The following ZFYVE16 variants were observed in gnomAD, a reference collection of about 807,000 sequenced individuals.
The protein encoded by ZFYVE16 is zinc finger FYVE-type containing 16.
Under a neutral mutation model 138.1 loss-of-function variants are expected in ZFYVE16, and 89 were observed. The observed-to-expected ratio is 0.64, with a 90% CI of 0.54 to 0.77. The LOEUF is 0.77. Among genes scored for constraint, ZFYVE16 ranks in the 30% least tolerant of loss-of-function variants. The pLI is 0.00. For missense variants in ZFYVE16, 1,793 were observed against 1,786.7 expected (o/e 1.00, Z -0.06); for synonymous variants, 596 against 618.3 (o/e 0.96, Z 0.53).
intron 15 of ZFYVE16, among the ~76,000 whole-genome samples, chr5:80,462,728 C>T (rs763962360): frequency 7.9e-5 from 12 of 152,216 alleles, no homozygotes; most frequent in Non-Finnish European, 1.6e-4. Context: ...AGGCAAGTCC[C>T]TTCTGCCTAT....
At chr5:80,408,714 A>G (rs1035952408) in intron 1 of ZFYVE16, among the ~76,000 whole-genome samples, 6 of 152,254 alleles carry the variant, frequency 3.9e-5, no homozygotes, top group Non-Finnish European at 8.8e-5. Flanking sequence ...TGAGAACTCC[A>G]AAAGAGGACC....
chr5:80,460,292 TG>T (rs1224907750), intron 15 of ZFYVE16, among the ~76,000 whole-genome samples: 6 of 152,174 alleles, frequency 3.9e-5, no homozygotes, highest in Non-Finnish European at 8.8e-5. Flanking sequence ...GTGAAATGTC[TG>T]CCCATATCTT....
At chr5:80,412,571 T>A (rs1745610713) in intron 1 of ZFYVE16, among the ~76,000 whole-genome samples, 1 of 152,144 alleles carries the variant, frequency 6.6e-6, no homozygotes, top group Non-Finnish European at 1.5e-5. Context: ...TTATATTATC[T>A]TTTTTTATAT....
chr5:80,423,817 C>G (rs956161888), intron 1 of ZFYVE16, among the ~76,000 whole-genome samples: 3 of 152,046 alleles, frequency 2.0e-5, no homozygotes, highest in African/African-American at 7.2e-5. Context: ...GGATTACAGG[C>G]GTGAGCCACT....
At chr5:80,426,425 C>A (rs945867231) in intron 1 of ZFYVE16, among the ~76,000 whole-genome samples, 9 of 152,030 alleles carry the variant, frequency 5.9e-5, no homozygotes, top group Admixed American at 5.9e-4. Context: ...CATTATTTAT[C>A]CTGATGCTCT....
chr5:80,470,631 C>G (rs1461880057), intron 15 of ZFYVE16, among the ~76,000 whole-genome samples: 1 of 152,000 alleles, frequency 6.6e-6, no homozygotes, highest in African/African-American at 2.4e-5. Context: ...CTGCATCAGC[C>G]TCTTGAGTAG....
rs199587775 is a variant in ZFYVE16 at position 80,437,504 on chromosome 5, A to G, written c.819A>G (p.Lys273=). 3.7e-6 allele frequency: 6 copies of G among 1,611,708 alleles called. No individual in the cohort carries two copies. Among genetic ancestry groups the G allele is most frequent in the African/African-American group, 1.3e-5 (1 of 74,782 alleles). ...AGAGCCAGCCATGTGGATTACTAAA[A>G]GATGTTGGCTTAGTAAAAGAGGAAG... ...QHKSQPCGLL[K]DVGLVKEEVD... is the part of the protein sequence containing the mutation. The change falls in exon 4 of 19, where the codon AAA becomes AAG. Residue 273 remains lysine, a synonymous_variant. Coordinates refer to ENST00000505560, the MANE Select transcript of ZFYVE16 (RefSeq NM_001284236.3).
chr5:80,458,553 G>T (rs1055695193), intron 14 of ZFYVE16, among the ~76,000 whole-genome samples: 1 of 152,064 alleles, frequency 6.6e-6, no homozygotes, highest in Non-Finnish European at 1.5e-5. Flanking sequence ...TGTATAAGGA[G>T]CTTTTATATT....
At chr5:80,471,860 A>G (rs960428035) in intron 15 of ZFYVE16, among the ~76,000 whole-genome samples, 7 of 152,216 alleles carry the variant, frequency 4.6e-5, no homozygotes, top group Non-Finnish European at 8.8e-5. Context: ...ATGGATTTGT[A>G]GAAATCCTAA....
intron 1 of ZFYVE16, among the ~76,000 whole-genome samples, chr5:80,426,202 GT>G (rs1435714025): frequency 1.0e-3 from 5 of 4,826 alleles, no homozygotes; most frequent in Admixed American, 6.0e-3. Flanking sequence ...TGTGTGTGTG[GT>G]GTGTGTGTGT....
intron 1 of ZFYVE16, among the ~76,000 whole-genome samples, chr5:80,425,337 T>C (rs966257030): frequency 1.3e-5 from 2 of 152,200 alleles, no homozygotes; most frequent in African/African-American, 4.8e-5. Context: ...GTATCTCTTA[T>C]TTATTTATTT....
At chr5:80,471,888 A>G (rs1754419894) in intron 15 of ZFYVE16, among the ~76,000 whole-genome samples, 1 of 152,132 alleles carries the variant, frequency 6.6e-6, no homozygotes, top group African/African-American at 2.4e-5. Flanking sequence ...ACCGGTCCAC[A>G]CTAATTTGAC....
intron 11 of ZFYVE16, chr5:80,452,589 TAAG>T (rs887033950): frequency 6.6e-6 from 1 of 152,198 alleles, no homozygotes; most frequent in Non-Finnish European, 1.5e-5. Flanking sequence ...GCCTGCATAT[TAAG>T]AAGATAAATC....
Position 80,479,300 on chromosome 5 carries a change from C to G in ZFYVE16, c.*1923C>G, listed in dbSNP as rs1755170709. The G allele has an allele frequency of 1.3e-5, 2 of 152,152 alleles. 1 individual carries two copies. The highest frequency in any genetic ancestry group is 4.1e-4 in the South Asian group (2 of 4,836). 9.4% of individuals were successfully genotyped at this position (152,152 alleles called of 1,614,324 possible). ...TTGGCTTATGTCTTTTAATACTACT[C>G]TCTTTCTCTGAATTTTGAAATATGA... On this transcript the variant is annotated 3_prime_UTR_variant, in exon 19 of 19. Coordinates refer to ENST00000505560, the MANE Select transcript of ZFYVE16 (RefSeq NM_001284236.3).
chr5:80,458,487 C>G (rs1752764827), intron 14 of ZFYVE16, among the ~76,000 whole-genome samples: 1 of 152,118 alleles, frequency 6.6e-6, no homozygotes, highest in Non-Finnish European at 1.5e-5. Context: ...TTGCTCCATT[C>G]TATACCTTGT....
intron 1 of ZFYVE16, among the ~76,000 whole-genome samples, chr5:80,420,550 G>T (rs1746987991): frequency 1.3e-5 from 2 of 152,036 alleles, no homozygotes; most frequent in Admixed American, 6.6e-5. Context: ...GCAGTGTTTG[G>T]TTTTTTGTCC....
intron 2 of ZFYVE16, among the ~76,000 whole-genome samples, chr5:80,433,712 C>A (rs1015294699): frequency 6.6e-6 from 1 of 151,710 alleles, no homozygotes; most frequent in African/African-American, 2.4e-5. Context: ...AAAAAAAAAG[C>A]ATTTAAGGCT....
intron 1 of ZFYVE16, among the ~76,000 whole-genome samples, chr5:80,426,893 C>T (rs1748162860): frequency 6.6e-6 from 1 of 152,184 alleles, no homozygotes; most frequent in South Asian, 2.1e-4. Flanking sequence ...TCCTATTTCT[C>T]CACAGCCTCA....
At chr5:80,435,810 A>C in intron 3 of ZFYVE16, 1 of 364,358 alleles carries the variant, frequency 2.7e-6, no homozygotes. Flanking sequence ...CCTGATCTCA[A>C]GTTATCCTCC....
Sources: gnomAD v4.1 joint callset for allele counts (sites outside exome capture counted in the v4.1 genomes callset) on GRCh38, gnomAD v4.1.1 for gene constraint, MANE v1.5 for transcripts, NCBI Gene and HGNC (gene_info 2026-07-23, HGNC 2026-07-21) for gene names.